ELMO1: variants seen among roughly 807,000 people sequenced by gnomAD.
The protein encoded by ELMO1 is engulfment and cell motility protein 1.
ELMO1 carries 26 observed loss-of-function variants against 98.9 expected under a neutral mutation model. The observed-to-expected ratio is 0.26, with a 90% confidence interval of 0.19 to 0.36. The LOEUF is 0.36. Among genes scored for constraint, ELMO1 ranks in the 10% least tolerant of loss-of-function variants. The pLI is 1.00. For synonymous variants in ELMO1, 346 were observed against 346.0 expected, an observed-to-expected ratio of 1.00 and a Z score of 0.00; for missense variants, 627 against 935.2, an observed-to-expected ratio of 0.67 and a Z score of 4.30.
At chr7:36,970,180 A>AACAC (rs56928749) in intron 16 of ELMO1, among the ~76,000 whole-genome samples, 2,096 of 144,314 alleles carry the variant, frequency 0.015, 29 homozygotes, top group African/African-American at 0.028. Flanking sequence ...TCATACACTT[A>AACAC]ACACACACAC....
chr7:37,334,895 C>T (rs1490707699), intron 2 of ELMO1, among the ~76,000 whole-genome samples: 2 of 152,100 alleles, frequency 1.3e-5, no homozygotes, highest in African/African-American at 4.8e-5. Context: ...TCCCAATATA[C>T]TGGGGTAGGC....
At chr7:37,255,724 G>A (rs1795604003) in intron 6 of ELMO1, among the ~76,000 whole-genome samples, 1 of 152,098 alleles carries the variant, frequency 6.6e-6, no homozygotes, top group South Asian at 2.1e-4. Context: ...GGATACCTAG[G>A]TACTTGTGGC....
chr7:37,078,847 T>C (rs1420365001), intron 15 of ELMO1, among the ~76,000 whole-genome samples: 2 of 152,184 alleles, frequency 1.3e-5, no homozygotes, highest in Non-Finnish European at 2.9e-5. Context: ...TTATCGTGGA[T>C]AGTTACAATA....
At chr7:37,026,090 T>C (rs1794559179) in intron 15 of ELMO1, among the ~76,000 whole-genome samples, 1 of 152,308 alleles carries the variant, frequency 6.6e-6, no homozygotes, top group African/African-American at 2.4e-5. Context: ...TTGTTAAAAC[T>C]TTCTTTACGA....
At chr7:37,279,566 C>T (rs74578741) in intron 4 of ELMO1, among the ~76,000 whole-genome samples, 1 of 152,214 alleles carries the variant, frequency 6.6e-6, no homozygotes, top group Non-Finnish European at 1.5e-5. Context: ...AACACACCCC[C>T]ACTAAAGAAG....
intron 13 of ELMO1, among the ~76,000 whole-genome samples, chr7:37,147,346 A>T (rs1246192818): frequency 6.6e-6 from 1 of 151,806 alleles, no homozygotes; most frequent in Non-Finnish European, 1.5e-5. Context: ...CCTCCTTAAC[A>T]CTTCCGCTCA....
intron 16 of ELMO1, among the ~76,000 whole-genome samples, chr7:36,965,240 C>CCGCTGCCTCCCT (rs1554373986): frequency 1.3e-5 from 2 of 152,150 alleles, no homozygotes; most frequent in Non-Finnish European, 2.9e-5. Context: ...GCTGCCTCCC[C>CCGCTGCCTCCCT]CGCTGCCTCC....
chr7:37,093,045 G>A (rs1455292238), intron 15 of ELMO1, among the ~76,000 whole-genome samples: 1 of 151,746 alleles, frequency 6.6e-6, no homozygotes, highest in Admixed American at 6.6e-5. Context: ...TCCTGAGAGT[G>A]TTACAGCCTT....
intron 16 of ELMO1, among the ~76,000 whole-genome samples, chr7:36,998,460 T>C (rs2079003860): frequency 6.6e-6 from 1 of 152,226 alleles, no homozygotes; most frequent in Admixed American, 6.5e-5. Context: ...ATAATAGTTA[T>C]TTTATTTCTT....
chr7:36,989,178 C>T (rs961633680), intron 16 of ELMO1, among the ~76,000 whole-genome samples: 2 of 152,134 alleles, frequency 1.3e-5, no homozygotes, highest in Non-Finnish European at 2.9e-5. Flanking sequence ...ATTTAATTCT[C>T]CCAAAAGCTC....
At chr7:37,062,503 G>A (rs1029324802) in intron 15 of ELMO1, among the ~76,000 whole-genome samples, 1 of 152,198 alleles carries the variant, frequency 6.6e-6, no homozygotes, top group African/African-American at 2.4e-5. Flanking sequence ...AGCTCACCGA[G>A]TGTATATTAT....
intron 1 of ELMO1, among the ~76,000 whole-genome samples, chr7:37,381,925 C>A (rs1333252139): frequency 1.3e-5 from 2 of 152,050 alleles, no homozygotes; most frequent in Non-Finnish European, 2.9e-5. Context: ...TATATACTTT[C>A]AAGTTGACTC....
chr7:37,423,736 A>T (rs1804585001), intron 1 of ELMO1, among the ~76,000 whole-genome samples: 1 of 152,186 alleles, frequency 6.6e-6, no homozygotes, highest in Non-Finnish European at 1.5e-5. Flanking sequence ...ATCATACCAA[A>T]ATCAATTTCT....
intron 1 of ELMO1, among the ~76,000 whole-genome samples, chr7:37,373,519 G>A (rs1456053270): frequency 6.6e-6 from 1 of 151,502 alleles, no homozygotes; most frequent in African/African-American, 2.4e-5. Context: ...TGAGGCAGGA[G>A]AAAAGGTTGA....
chr7:37,291,629 C>G (rs922976315), intron 4 of ELMO1, among the ~76,000 whole-genome samples: 1 of 152,132 alleles, frequency 6.6e-6, no homozygotes, highest in Admixed American at 6.6e-5. Context: ...ATTAAAGACA[C>G]GTAGGCCAGG....
intron 15 of ELMO1, among the ~76,000 whole-genome samples, chr7:37,016,408 AG>A (rs1584519017): frequency 6.6e-6 from 1 of 152,166 alleles, no homozygotes; most frequent in East Asian, 1.9e-4. Flanking sequence ...TTCCATCATG[AG>A]CTTTTTTTAG....
At chr7:37,177,421 T>A (rs1466493539) in intron 13 of ELMO1, among the ~76,000 whole-genome samples, 3 of 152,220 alleles carry the variant, frequency 2.0e-5, no homozygotes, top group African/African-American at 7.2e-5. Context: ...ATTTCTTTGT[T>A]TTCCCCAATT....
chr7:37,209,534 G>A (rs1381964334), intron 13 of ELMO1, among the ~76,000 whole-genome samples: 1 of 152,186 alleles, frequency 6.6e-6, no homozygotes, highest in East Asian at 1.9e-4. Flanking sequence ...CTCAGAAGAG[G>A]AATCAATTAA....
chr7:37,087,800 T>A (rs1783867569), intron 15 of ELMO1, among the ~76,000 whole-genome samples: 1 of 152,124 alleles, frequency 6.6e-6, no homozygotes, highest in African/African-American at 2.4e-5. Context: ...ACCACCCCAA[T>A]TTTTAGGGGA....
Sources: gnomAD v4.1 joint callset for allele counts (sites outside exome capture counted in the v4.1 genomes callset) on GRCh38, gnomAD v4.1.1 for gene constraint, MANE v1.5 for transcripts, NCBI Gene and HGNC (gene_info 2026-07-23, HGNC 2026-07-21) for gene names.